The following TSHZ1 variants were observed in gnomAD, a reference collection of about 807,000 sequenced individuals.
TSHZ1 encodes teashirt homolog 1.
TSHZ1 carries 12 observed loss-of-function variants against 67.1 expected under a neutral mutation model. The observed-to-expected ratio is 0.18, with a 90% CI of 0.11 to 0.29. TSHZ1 has a LOEUF of 0.29. Ranked by LOEUF, TSHZ1 falls within the 10% of genes least tolerant of loss-of-function variation. The pLI is 1.00. For synonymous variants in TSHZ1, 632 were observed against 622.4 expected, an observed-to-expected ratio of 1.02 and a Z score of -0.23; for missense variants, 1,305 against 1,413.9, an observed-to-expected ratio of 0.92 and a Z score of 1.23.
intron 1 of TSHZ1, among the ~76,000 whole-genome samples, chr18:75,247,929 T>C (rs1838601586): frequency 6.6e-6 from 1 of 152,128 alleles, no homozygotes; most frequent in Non-Finnish European, 1.5e-5. Context: ...ATTTTATTTA[T>C]TCAGAGCCAC....
chr18:75,239,426 AT>A (rs1373330046), intron 1 of TSHZ1, among the ~76,000 whole-genome samples: 1 of 152,200 alleles, frequency 6.6e-6, no homozygotes, highest in Non-Finnish European at 1.5e-5. Flanking sequence ...GCAAAATTAA[AT>A]TTTTGTTTTA....
intron 1 of TSHZ1, among the ~76,000 whole-genome samples, chr18:75,265,121 C>A (rs1288803952): frequency 6.6e-6 from 1 of 152,198 alleles, no homozygotes; most frequent in Non-Finnish European, 1.5e-5. Flanking sequence ...TTTTGGAAAG[C>A]AGCCCACTTT....
chr18:75,219,357 G>T (rs1055583630), intron 1 of TSHZ1, among the ~76,000 whole-genome samples: 1 of 152,110 alleles, frequency 6.6e-6, no homozygotes, highest in Non-Finnish European at 1.5e-5. Flanking sequence ...ACCCAGGAAG[G>T]TATTTATTTA....
chr18:75,220,139 C>G (rs73479891), intron 1 of TSHZ1, among the ~76,000 whole-genome samples: 2,175 of 152,280 alleles, frequency 0.014, 65 homozygotes, highest in African/African-American at 0.049. Context: ...AACCTAAAGA[C>G]TTAGGCTTGC....
chr18:75,286,346 A>G lies in TSHZ1; in HGVS notation c.939A>G (p.Gly313=). 6.2e-7 allele frequency: 1 copy of G among 1,614,112 alleles called. No individual in the cohort carries two copies. The highest frequency in any genetic ancestry group is 8.5e-7 in the Non-Finnish European group (1 of 1,180,014). The change falls in exon 2 of 2, where the codon GGA becomes GGG. Residue 313 remains glycine (G), a synonymous_variant. Coordinates refer to ENST00000580243, the MANE Select transcript of TSHZ1 (RefSeq NM_001308210.2). This position sits in a 1 kb window ranked among gnomAD's most constrained non-coding sequence, Gnocchi z 5.1. ...AQKVLKCMYC[G]HSFESLQDLS... The stretch of plus-strand genomic sequence containing the variant: ...AGGTGCTGAAGTGCATGTACTGTGG[A>G]CACTCCTTTGAGTCCTTGCAGGACC...
At chr18:75,279,633 C>G (rs924861561) in intron 1 of TSHZ1, among the ~76,000 whole-genome samples, 1 of 152,212 alleles carries the variant, frequency 6.6e-6, no homozygotes, top group Non-Finnish European at 1.5e-5. Flanking sequence ...CAGAGCAGCC[C>G]AGGACAGCCT....
In TSHZ1 at chr18:75,288,404, T is replaced by G. The variant is rs764021872; in HGVS notation, c.2997T>G (p.Asp999Glu). Residue 999 changes from aspartate (D) to glutamate (E), a missense_variant, in exon 2 of 2, where the codon GAT (aspartate) becomes GAG (glutamate). Asp to Glu is a conservative substitution (Grantham distance 45). Around this residue, in one of 3 missense-constraint regions of TSHZ1, gnomAD observed 909 missense variants for 961.8 expected, o/e 0.95. Transcript: ENST00000580243. This position sits in a 1 kb window ranked among gnomAD's most constrained non-coding sequence, Gnocchi z 4.9. ...CACACTTGGGCTTCAGCCTGAAGGA[T>G]CTCTCCAAGCTGCCACTCAATCAGA... ...LETHLGFSLKDLSKLPLNQIQ... is the reference protein window; with the variant it reads ...LETHLGFSLKELSKLPLNQIQ... 2.5e-6 allele frequency: 4 copies of G among 1,614,198 alleles called. No homozygotes were observed. Among genetic ancestry groups the G allele is most frequent in the Non-Finnish European group, 2.5e-6 (3 of 1,180,038 alleles).
chr18:75,275,095 G>A lies in TSHZ1; in HGVS notation c.41-10353G>A, dbSNP rs144361915. 1.2e-3 allele frequency among the ~76,000 whole-genome samples: 180 copies of A among 152,326 alleles called. 4 individuals are homozygous for A. Among genetic ancestry groups the A allele is most frequent in the African/African-American group, 4.2e-3 (173 of 41,568 alleles). On this transcript the variant is annotated intron_variant, in intron 1 of 1. Coordinates refer to ENST00000580243, the MANE Select transcript of TSHZ1 (RefSeq NM_001308210.2). ...GTAGCAGCACAGGTGCCTGGTACACGTCCTTGCCACTTGCCTACATCCATG... is the reference window on the plus strand; with the variant it reads ...GTAGCAGCACAGGTGCCTGGTACACATCCTTGCCACTTGCCTACATCCATG...
chr18:75,213,878 G>T (rs1461200562), intron 1 of TSHZ1, among the ~76,000 whole-genome samples: 1 of 152,190 alleles, frequency 6.6e-6, no homozygotes, highest in Non-Finnish European at 1.5e-5. Flanking sequence ...CAAAGTGATG[G>T]CTATGAAGAG....
At chr18:75,251,432 A>G (rs1242394488) in intron 1 of TSHZ1, among the ~76,000 whole-genome samples, 1 of 150,422 alleles carries the variant, frequency 6.6e-6, no homozygotes, top group South Asian at 2.1e-4. Flanking sequence ...TTTTTCACTC[A>G]CTAAATGGTG....
chr18:75,240,668 G>A (rs985892003), intron 1 of TSHZ1, among the ~76,000 whole-genome samples: 2 of 152,108 alleles, frequency 1.3e-5, no homozygotes, highest in Non-Finnish European at 2.9e-5. Flanking sequence ...CCTCCCCAGC[G>A]GGGGCGCCCG....
Position 75,286,438 on chromosome 18 carries a change from T to G in TSHZ1, c.1031T>G (p.Ile344Ser), listed in dbSNP as rs1316228842. Residue 344 changes from isoleucine to serine, a missense_variant, in exon 2 of 2, where the codon ATC (isoleucine) becomes AGC (serine). Transcript: ENST00000580243. This position sits in a 1 kb window ranked among gnomAD's most constrained non-coding sequence, Gnocchi z 5.1. ...KVPLKEPVPAITKLVPSTKKR... is the reference protein window; with the variant it reads ...KVPLKEPVPASTKLVPSTKKR... ...CCTCTGAAGGAGCCAGTGCCAGCCATCACCAAACTGGTCCCCTCCACCAAA... is the reference window on the plus strand; with the variant it reads ...CCTCTGAAGGAGCCAGTGCCAGCCAGCACCAAACTGGTCCCCTCCACCAAA... 1 of 1,613,988 alleles carries G rather than the reference T, an allele frequency of 6.2e-7. No individual in the cohort carries two copies. The highest frequency in any genetic ancestry group is 1.3e-5 in the African/African-American group (1 of 74,898).
chr18:75,218,681 G>A (rs1322937243), intron 1 of TSHZ1, among the ~76,000 whole-genome samples: 1 of 152,238 alleles, frequency 6.6e-6, no homozygotes, highest in African/African-American at 2.4e-5. Context: ...CTAGCAGCCT[G>A]CACCCACGTC....
chr18:75,229,191 G>T (rs988364082), intron 1 of TSHZ1, among the ~76,000 whole-genome samples: 2 of 152,234 alleles, frequency 1.3e-5, no homozygotes, highest in Admixed American at 6.5e-5. Context: ...CCGACCTGCC[G>T]GCCCTCCTCA....
At chr18:75,220,167 A>G (rs982570553) in intron 1 of TSHZ1, among the ~76,000 whole-genome samples, 5 of 152,228 alleles carry the variant, frequency 3.3e-5, no homozygotes, top group African/African-American at 9.6e-5. Flanking sequence ...GTCCTTCTGC[A>G]TTTAAAACAC....
At chr18:75,218,945 T>G (rs2122515583) in intron 1 of TSHZ1, among the ~76,000 whole-genome samples, 1 of 152,316 alleles carries the variant, frequency 6.6e-6, no homozygotes, top group Non-Finnish European at 1.5e-5. Flanking sequence ...ACTCAAATTT[T>G]TTTGAGTCAA....
At chr18:75,279,670 C>T (rs2023661541) in intron 1 of TSHZ1, among the ~76,000 whole-genome samples, 2 of 152,226 alleles carry the variant, frequency 1.3e-5, no homozygotes, top group Admixed American at 1.3e-4. Context: ...CAGGAGCTCA[C>T]TCATGTTCTC....
chr18:75,227,721 A>T lies in TSHZ1; in HGVS notation c.40+15805A>T, dbSNP rs373043829. Among the ~76,000 whole-genome samples, 52 of 152,340 alleles carry T rather than the reference A, an allele frequency of 3.4e-4. 1 individual carries two copies. The South Asian group carries it at 7.5e-3, about 22-fold the overall frequency. Reference sequence around the variant, plus strand: ...ACAGCATCAGATACCATTTAAAGAGATAGTGAAGGAGACTGTTGCCTTCGC... The same window carrying T: ...ACAGCATCAGATACCATTTAAAGAGTTAGTGAAGGAGACTGTTGCCTTCGC... On this transcript the variant is annotated intron_variant, in intron 1 of 1. Transcript: ENST00000580243.
chr18:75,220,100 C>T (rs773237787), intron 1 of TSHZ1, among the ~76,000 whole-genome samples: 2 of 152,192 alleles, frequency 1.3e-5, no homozygotes, highest in Non-Finnish European at 2.9e-5. Flanking sequence ...TTAATATTTA[C>T]TACTAGAGAA....
Sources: gnomAD v4.1 joint callset for allele counts (sites outside exome capture counted in the v4.1 genomes callset) on GRCh38, gnomAD v4.1.1 for gene constraint, gnomAD v4.1.1 regional missense constraint, Gnocchi (gnomAD v3.1) non-coding constraint, MANE v1.5 for transcripts, NCBI Gene and HGNC (gene_info 2026-07-23, HGNC 2026-07-21) for gene names.